Variants in APBA2 observed in about 807,000 individuals in gnomAD.
APBA2 encodes the protein amyloid beta precursor protein binding family A member 2, also known as amyloid-beta A4 precursor protein-binding family A member 2.
A neutral mutation model predicts 75.0 loss-of-function variants in APBA2; 30 were observed. That is an observed-to-expected ratio of 0.40 (90% CI 0.30 to 0.54). The LOEUF (loss-of-function observed/expected upper bound fraction) is 0.54. Ranked by LOEUF, APBA2 falls within the 20% of genes least tolerant of loss-of-function variation. APBA2 has a pLI of 0.49. For missense variants in APBA2, 801 were observed against 1,016.1 expected (o/e 0.79, Z 2.88); for synonymous variants, 444 against 409.6 (o/e 1.08, Z -1.01).
intron 1 of APBA2, among the ~76,000 whole-genome samples, chr15:28,901,907 G>GGTGTGTGTGTGTGTGTGTGT (rs1298489682): frequency 1.9e-4 from 3 of 15,904 alleles, no homozygotes; most frequent in Admixed American, 8.1e-4. Context: ...GGGAGCTTTT[G>GGTGTGTGTGTGTGTGTGTGT]ATGTGTGTGT....
intron 4 of APBA2, among the ~76,000 whole-genome samples, chr15:29,071,525 G>C (rs1464907281): frequency 1.3e-5 from 2 of 150,740 alleles, no homozygotes; most frequent in Non-Finnish European, 3.0e-5. Flanking sequence ...ACCCTGGCTG[G>C]CATCTTGTTT....
chr15:28,957,166 G>A (rs1252394656), intron 2 of APBA2, among the ~76,000 whole-genome samples: 6 of 152,096 alleles, frequency 3.9e-5, no homozygotes, highest in East Asian at 1.9e-4. Context: ...TCCGCCTCCC[G>A]GGTTCACGCC....
At chr15:28,973,904 A>G (rs1422799513) in intron 2 of APBA2, among the ~76,000 whole-genome samples, 3 of 152,246 alleles carry the variant, frequency 2.0e-5, no homozygotes, top group Non-Finnish European at 4.4e-5. Flanking sequence ...AAAACAAAAC[A>G]AAACAACTTT....
intron 4 of APBA2, among the ~76,000 whole-genome samples, chr15:29,073,359 C>T (rs1566974181): frequency 6.6e-6 from 1 of 151,714 alleles, no homozygotes; most frequent in Non-Finnish European, 1.5e-5. Flanking sequence ...GTAAATGTAA[C>T]TTTTTTTTTG....
intron 3 of APBA2, among the ~76,000 whole-genome samples, chr15:29,011,955 A>G (rs2039425116): frequency 6.6e-6 from 1 of 152,198 alleles, no homozygotes; most frequent in Non-Finnish European, 1.5e-5. Flanking sequence ...AATTACCAAT[A>G]TAGGTATATA....
At chr15:28,907,659 C>T (rs2033198875) in intron 1 of APBA2, among the ~76,000 whole-genome samples, 1 of 152,200 alleles carries the variant, frequency 6.6e-6, no homozygotes, top group Non-Finnish European at 1.5e-5. Context: ...TGATCAACCT[C>T]AGGATCAATG....
rs74538858 is a variant in APBA2 at position 28,918,426 on chromosome 15, C to T, written c.-204-3214C>T. Reference sequence around the variant, plus strand: ...GATGCGCAACGCCCCCTCCAGGCCCCGAGTCCCTGTCCTTGGAGGAAGCAG... The same window carrying T: ...GATGCGCAACGCCCCCTCCAGGCCCTGAGTCCCTGTCCTTGGAGGAAGCAG... On this transcript the variant is annotated intron_variant, in intron 1 of 14. Transcript: ENST00000683413. This position sits in a 1 kb window ranked among gnomAD's most constrained non-coding sequence, Gnocchi z 4.2. Among the ~76,000 whole-genome samples the T allele has an allele frequency of 0.051, 7,728 of 152,206 alleles. 424 individuals are homozygous for T. The highest frequency in any genetic ancestry group is 0.19 in the East Asian group (977 of 5,146).
chr15:28,989,090 A>G (rs1260126728), intron 2 of APBA2, among the ~76,000 whole-genome samples: 1 of 152,018 alleles, frequency 6.6e-6, no homozygotes, highest in Admixed American at 6.5e-5. Flanking sequence ...ATATTTTTTC[A>G]TATATTTGGT....
Position 28,943,331 on chromosome 15 carries a change from C to T in APBA2, c.-95+21582C>T, listed in dbSNP as rs115704834. On this transcript the variant is annotated intron_variant, in intron 2 of 14. Transcript: ENST00000683413. The stretch of plus-strand genomic sequence containing the variant: ...GCTCACGTGCCATGGATCAGAGCTG[C>T]CATGTGGCCCAGCTTAGGGAGACCA... Among the ~76,000 whole-genome samples the T allele has an allele frequency of 7.6e-3, 1,157 of 152,298 alleles. 15 individuals carry two copies. Among genetic ancestry groups the T allele is most frequent in the African/African-American group, 0.026 (1,063 of 41,552 alleles).
intron 2 of APBA2, among the ~76,000 whole-genome samples, chr15:28,953,119 GT>G (rs1250962732): frequency 6.6e-6 from 1 of 152,188 alleles, no homozygotes; most frequent in Non-Finnish European, 1.5e-5. Flanking sequence ...GGCTCCAGGA[GT>G]TTTGATGAAA....
At chr15:28,904,970 G>C (rs562537098) in intron 1 of APBA2, among the ~76,000 whole-genome samples, 1 of 152,290 alleles carries the variant, frequency 6.6e-6, no homozygotes, top group East Asian at 1.9e-4. Flanking sequence ...GATGGGTTGG[G>C]GACCAGAGCC....
intron 2 of APBA2, among the ~76,000 whole-genome samples, chr15:28,979,193 T>C (rs1010651015): frequency 1.3e-5 from 2 of 152,148 alleles, no homozygotes; most frequent in Admixed American, 6.5e-5. Flanking sequence ...CCCTCCCTTC[T>C]TCGTCCCCCT....
intron 1 of APBA2, among the ~76,000 whole-genome samples, chr15:28,903,574 G>A (rs1377260209): frequency 1.3e-5 from 2 of 152,226 alleles, no homozygotes; most frequent in African/African-American, 2.4e-5. Context: ...CCCAGGGAGG[G>A]CAGAGCTGCA....
At chr15:28,941,103 A>G (rs536538777) in intron 2 of APBA2, among the ~76,000 whole-genome samples, 1 of 152,276 alleles carries the variant, frequency 6.6e-6, no homozygotes, top group East Asian at 1.9e-4. Context: ...CCAATTATAT[A>G]TTTTTGGTAA....
chr15:29,117,471 A>C lies in APBA2; in HGVS notation c.*338A>C, dbSNP rs564061410. 1 of 363,748 alleles carries C rather than the reference A, an allele frequency of 2.7e-6. No homozygotes were observed. Among genetic ancestry groups the C allele is most frequent in the Non-Finnish European group, 5.1e-6 (1 of 194,648 alleles). The allele number at this position is 363,748 out of a possible 1,614,324, so 22.5% of individuals were successfully genotyped here. A position where few individuals can be genotyped will look rare whatever the true frequency, so the allele number is the denominator to read the frequency against. On this transcript the variant is annotated 3_prime_UTR_variant, in exon 15 of 15. Coordinates refer to ENST00000683413, the MANE Select transcript of APBA2 (RefSeq NM_001353788.2). ...GTCTTTCCTCCCTGAAGCTGTGCGG[A>C]GCGAACTGGCGCCTCCGAGGGACGC...
chr15:29,033,984 A>G (rs1278941726), intron 3 of APBA2, among the ~76,000 whole-genome samples: 2 of 148,384 alleles, frequency 1.3e-5, no homozygotes, highest in Non-Finnish European at 3.0e-5. Flanking sequence ...AAAAAAAAAA[A>G]AAAAAGAAGA....
chr15:29,033,569 A>G (rs141579705), intron 3 of APBA2, among the ~76,000 whole-genome samples: 2 of 152,218 alleles, frequency 1.3e-5, no homozygotes, highest in African/African-American at 2.4e-5. Flanking sequence ...CTTAAATTAG[A>G]TAATTTGCTA....
intron 1 of APBA2, among the ~76,000 whole-genome samples, chr15:28,898,609 G>A (rs1363085713): frequency 1.3e-5 from 2 of 152,170 alleles, no homozygotes; most frequent in East Asian, 3.8e-4. Context: ...GCTTTTGGAG[G>A]TGCTGATGAT....
intron 1 of APBA2, among the ~76,000 whole-genome samples, chr15:28,892,959 T>C (rs1027142153): frequency 3.3e-5 from 5 of 152,260 alleles, no homozygotes; most frequent in African/African-American, 1.2e-4. Context: ...AGTGTGTGCC[T>C]TGTGCAAATA....
Sources: allele counts gnomAD v4.1 joint callset (sites outside exome capture counted in the v4.1 genomes callset), GRCh38; gene constraint gnomAD v4.1.1; non-coding constraint Gnocchi (gnomAD v3.1); transcripts MANE v1.5; gene names NCBI Gene and HGNC (gene_info 2026-07-23, HGNC 2026-07-21).